The following CKMT2 variants were observed in gnomAD, a reference collection of about 807,000 sequenced individuals.
The protein encoded by CKMT2 is creatine kinase, mitochondrial 2, also known as creatine kinase S-type, mitochondrial.
In CKMT2, 43 loss-of-function variants were observed where a neutral mutation model predicts 48.9. That is an observed-to-expected ratio of 0.88 (90% confidence interval 0.69 to 1.13). The LOEUF (loss-of-function observed/expected upper bound fraction) is 1.13. Among genes scored for constraint, CKMT2 ranks in the 50% most tolerant of loss-of-function variants. The pLI, the probability that CKMT2 is intolerant of heterozygous loss-of-function variation, is 0.00. For missense variants in CKMT2, 472 were observed against 555.4 expected (o/e 0.85, Z 1.51); for synonymous variants, 206 against 213.0 (o/e 0.97, Z 0.29).
chr5:81,234,532 T>A (rs1756196989), intron 1 of CKMT2, among the ~76,000 whole-genome samples: 1 of 152,192 alleles, frequency 6.6e-6, no homozygotes, highest in African/African-American at 2.4e-5. Context: ...TTGGCCTTGT[T>A]TGGCGGTCTG....
At chr5:81,259,088 C>A in intron 7 of CKMT2, 32 bp from the exon 8 acceptor site, 1 of 1,593,730 alleles carries the variant, frequency 6.3e-7, no homozygotes, top group Non-Finnish European at 8.6e-7. Context: ...TTGGAAAATG[C>A]TGTCATTTGT....
chr5:81,242,247 T>C, intron 1 of CKMT2: 1 of 245,954 alleles, frequency 4.1e-6, no homozygotes, highest in Admixed American at 5.2e-5. Flanking sequence ...AAAATCCATG[T>C]CTGAAAGAAA....
chr5:81,258,169 G>A (rs1757081906), intron 7 of CKMT2, among the ~76,000 whole-genome samples: 1 of 152,128 alleles, frequency 6.6e-6, no homozygotes, highest in Non-Finnish European at 1.5e-5. Context: ...CAAAGTGCTG[G>A]GATTACAGGC....
chr5:81,255,739 C>A (rs1169960320), intron 5 of CKMT2, among the ~76,000 whole-genome samples: 1 of 148,964 alleles, frequency 6.7e-6, no homozygotes. Context: ...CCAGGGTGCA[C>A]AAAACTCAAG....
At position 81,255,074 on chromosome 5, in the gene CKMT2, C is replaced by T. The variant is rs747656593; in HGVS notation, c.529C>T (p.Pro177Ser). The change falls in exon 5 of 10, where the codon CCT (proline) becomes TCT (serine). Residue 177 changes from proline to serine, a missense_variant. Coordinates refer to ENST00000254035, the MANE Select transcript of CKMT2 (RefSeq NM_001099735.2). ...TGRSIRGLSL[P>S]PACTRAERRE... Reference sequence around the variant, plus strand: ...CCGCAGCATCCGTGGGCTGAGCCTGCCTCCAGCCTGCACCCGGGCCGAGCG... The same window carrying T: ...CCGCAGCATCCGTGGGCTGAGCCTGTCTCCAGCCTGCACCCGGGCCGAGCG... 12 of 1,614,008 alleles carry T rather than the reference C, an allele frequency of 7.4e-6. No homozygotes were observed. The highest frequency in any genetic ancestry group is 1.0e-5 in the Non-Finnish European group (12 of 1,179,990).
At position 81,251,433 on chromosome 5, in the gene CKMT2, A is replaced by G. The variant is rs548278772; in HGVS notation, c.152+149A>G. 55 of 749,878 alleles carry G rather than the reference A, an allele frequency of 7.3e-5. No homozygotes were observed. The East Asian group carries it at 1.3e-3, about 18-fold the overall frequency. 46.5% of individuals were successfully genotyped at this position (749,878 alleles called of 1,614,324 possible). A position where few individuals can be genotyped will look rare whatever the true frequency, so the allele number is the denominator to read the frequency against. On this transcript the variant is annotated intron_variant, in intron 2 of 9. Transcript: ENST00000254035. Reference sequence around the variant, plus strand: ...AAACCCCATCTCTACTAAAAATACAAAAAAATTAGCTAGGCATAGTGGCAC... The same window carrying G: ...AAACCCCATCTCTACTAAAAATACAGAAAAATTAGCTAGGCATAGTGGCAC...
intron 7 of CKMT2, among the ~76,000 whole-genome samples, chr5:81,258,801 A>G (rs1757104240): frequency 1.3e-5 from 2 of 152,224 alleles, no homozygotes; most frequent in South Asian, 4.1e-4. Context: ...GAGGTGGAAC[A>G]ACAGTTTCAT....
chr5:81,251,496 G>A (rs1756813556), intron 2 of CKMT2, among the ~76,000 whole-genome samples: 1 of 152,172 alleles, frequency 6.6e-6, no homozygotes, highest in South Asian at 2.1e-4. Flanking sequence ...GCTGAGGCAG[G>A]AGAATTGCTT....
chr5:81,243,019 C>G (rs1188592646), intron 1 of CKMT2, among the ~76,000 whole-genome samples: 1 of 152,126 alleles, frequency 6.6e-6, no homozygotes, highest in Non-Finnish European at 1.5e-5. Context: ...CGTTAACTTC[C>G]CTAATTGCTG....
chr5:81,266,385 C>G lies in CKMT2; in HGVS notation c.*127C>G. ...GATCCTGCCTATCTTTACAATAAAA[C>G]TCTCCTTAATATATCTTTGCTTTGT... is the stretch of plus-strand genomic sequence containing the variant. On this transcript the variant is annotated 3_prime_UTR_variant, in exon 10 of 10. Transcript: ENST00000254035. The G allele has an allele frequency of 2.3e-6, 2 of 859,716 alleles. No individual in the cohort carries two copies. The highest frequency in any genetic ancestry group is 2.8e-4 in the Middle Eastern group (1 of 3,548). 53.3% of individuals were successfully genotyped at this position (859,716 alleles called of 1,614,324 possible). A position where few individuals can be genotyped will look rare whatever the true frequency, so the allele number is the denominator to read the frequency against.
Position 81,266,318 on chromosome 5 carries a change from ACT to A in CKMT2, c.*63_*64del. 1 of 1,530,920 alleles carries A rather than the reference ACT, an allele frequency of 6.5e-7. No individual in the cohort carries two copies. The highest frequency in any genetic ancestry group is 1.8e-5 in the Admixed American group (1 of 55,828). The allele number at this position is 1,530,920 out of a possible 1,614,324, so 94.8% of individuals were successfully genotyped here. A position where few individuals can be genotyped will look rare whatever the true frequency, so the allele number is the denominator to read the frequency against. ...GCTGGTACGACAGACATAAATCTCT[ACT>A]CTGAGAGTTTTTATACACTTGGAAA... On this transcript the variant is annotated 3_prime_UTR_variant, in exon 10 of 10. Transcript: ENST00000254035.
At chr5:81,248,600 G>C (rs1756691132) in intron 1 of CKMT2, among the ~76,000 whole-genome samples, 1 of 152,226 alleles carries the variant, frequency 6.6e-6, no homozygotes, top group Admixed American at 6.5e-5. Flanking sequence ...TGATGAGAAT[G>C]AATGTTGGTC....
In CKMT2 at chr5:81,255,019, T is replaced by C. The variant is rs772693966; in HGVS notation, c.474T>C (p.His158=). 6.2e-7 allele frequency: 1 copy of C among 1,613,984 alleles called. No individual in the cohort carries two copies. Among genetic ancestry groups the C allele is most frequent in the South Asian group, 1.1e-5 (1 of 91,072 alleles). The change falls in exon 5 of 10, where the codon CAT becomes CAC. Residue 158 remains histidine, a synonymous_variant. Transcript: ENST00000254035. The part of the protein sequence containing the change: ...SKITQGQFDE[H]YVLSSRVRTG... ...TCACCCAAGGGCAGTTCGACGAGCATTACGTGCTGTCTTCTCGGGTGCGCA... is the reference window on the plus strand; with the variant it reads ...TCACCCAAGGGCAGTTCGACGAGCACTACGTGCTGTCTTCTCGGGTGCGCA...
At chr5:81,233,494 G>T in intron 1 of CKMT2, 117 bp downstream of exon 1, 1 of 736,322 alleles carries the variant, frequency 1.4e-6, no homozygotes, top group Non-Finnish European at 1.7e-6. Context: ...CCGTTAGGAC[G>T]CTGACTGCGA....
At position 81,257,812 on chromosome 5, in the gene CKMT2, A is replaced by G; in HGVS notation, c.835A>G (p.Asn279Asp). The G allele has an allele frequency of 1.9e-6, 3 of 1,613,848 alleles. No individual in the cohort carries two copies. Among genetic ancestry groups the G allele is most frequent in the Non-Finnish European group, 1.7e-6 (2 of 1,179,746 alleles). Residue 279 changes from asparagine to aspartate, a missense_variant, in exon 7 of 10, where the codon AAT (asparagine) becomes GAT (aspartate). Physicochemically the swap from Asn to Asp is conservative, Grantham distance 23 (BLOSUM62 1). Coordinates refer to ENST00000254035, the MANE Select transcript of CKMT2 (RefSeq NM_001099735.2). ...GGTAATCTCAATGGAAAAAGGAGGCAATATGAAACGAGTATTTGAGCGATT... is the reference window on the plus strand; with the variant it reads ...GGTAATCTCAATGGAAAAAGGAGGCGATATGAAACGAGTATTTGAGCGATT... ...TRVISMEKGG[N>D]MKRVFERFCR... is the part of the protein sequence containing the mutation.
chr5:81,243,972 C>T, intron 1 of CKMT2: 1 of 949,832 alleles, frequency 1.1e-6, no homozygotes, highest in Non-Finnish European at 1.3e-6. Flanking sequence ...GGATTACAGG[C>T]ATAAGCCACC....
chr5:81,240,549 T>C (rs910169712), intron 1 of CKMT2, among the ~76,000 whole-genome samples: 1 of 152,226 alleles, frequency 6.6e-6, no homozygotes, highest in African/African-American at 2.4e-5. Flanking sequence ...AGGCATGCAA[T>C]ACAGTACTTT....
chr5:81,252,720 CACA>C lies in CKMT2; in HGVS notation c.184_186del (p.Asn62del), dbSNP rs769555872. The C allele has an allele frequency of 1.5e-5, 25 of 1,614,232 alleles. No individual in the cohort carries two copies. The highest frequency in any genetic ancestry group is 2.1e-5 in the Non-Finnish European group (25 of 1,180,042). ...CGCAGACTACCCAGACCTGCGCAAGCACAACAACTGCATGGCCGAGTGCCTCAC... is the reference window on the plus strand; with the variant it reads ...CGCAGACTACCCAGACCTGCGCAAGCACAACTGCATGGCCGAGTGCCTCAC... On this transcript the variant is annotated inframe_deletion, in exon 3 of 10. Coordinates refer to ENST00000254035, the MANE Select transcript of CKMT2 (RefSeq NM_001099735.2).
intron 8 of CKMT2, among the ~76,000 whole-genome samples, chr5:81,260,335 C>T (rs1757170034): frequency 6.6e-6 from 1 of 152,044 alleles, no homozygotes. Flanking sequence ...CAAACAAATT[C>T]AAAAGCTAGC....
Sources: gnomAD v4.1 joint callset for allele counts (sites outside exome capture counted in the v4.1 genomes callset) on GRCh38, gnomAD v4.1.1 for gene constraint, MANE v1.5 for transcripts, NCBI Gene and HGNC (gene_info 2026-07-23, HGNC 2026-07-21) for gene names.